RIC1: variants seen among roughly 807,000 people sequenced by gnomAD.
RIC1 encodes the protein RIC1 partner of RAB6A GEF complex, also known as guanine nucleotide exchange factor subunit RIC1.
RIC1 carries 88 observed loss-of-function variants against 169.0 expected under a neutral mutation model. The ratio of observed to expected loss-of-function variants is 0.52; its 90% CI spans 0.44 to 0.62. RIC1 has a LOEUF of 0.62. Ranked by LOEUF, RIC1 falls within the 20% of genes least tolerant of loss-of-function variation. The probability of loss-of-function intolerance (pLI) is 0.00; values close to 1 mark genes in which losing one functional copy is unlikely to be tolerated. For missense variants in RIC1, 1,877 were observed against 1,725.5 expected, an observed-to-expected ratio of 1.09 and a Z score of -1.56; for synonymous variants, 790 against 601.5, an observed-to-expected ratio of 1.31 and a Z score of -4.59.
chr9:5,726,386 T>C (rs1823987471), intron 6 of RIC1, among the ~76,000 whole-genome samples: 1 of 152,216 alleles, frequency 6.6e-6, no homozygotes, highest in Non-Finnish European at 1.5e-5. Context: ...CCCTGCTTTT[T>C]TTTGTTTTCC....
chr9:5,670,442 G>T (rs953329746), intron 2 of RIC1, among the ~76,000 whole-genome samples: 2 of 152,086 alleles, frequency 1.3e-5, no homozygotes, highest in African/African-American at 4.8e-5. Flanking sequence ...CTTGCCTGAT[G>T]CCTTTAAAAA....
At chr9:5,767,584 T>G (rs1319079832) in intron 21 of RIC1, among the ~76,000 whole-genome samples, 1 of 152,178 alleles carries the variant, frequency 6.6e-6, no homozygotes, top group African/African-American at 2.4e-5. Context: ...TGTCATGTTT[T>G]ACTGGGTTTT....
chr9:5,686,536 C>G (rs907556018), intron 2 of RIC1, among the ~76,000 whole-genome samples: 1 of 148,660 alleles, frequency 6.7e-6, no homozygotes, highest in Admixed American at 6.8e-5. Context: ...AACAAAAAAC[C>G]AAACACCGCA....
intron 2 of RIC1, among the ~76,000 whole-genome samples, chr9:5,673,984 A>T (rs1466775197): frequency 2.0e-5 from 3 of 152,168 alleles, no homozygotes; most frequent in African/African-American, 4.8e-5. Context: ...CCCTCTACTT[A>T]AGAAACTAAC....
At chr9:5,648,491 G>A (rs974903811) in intron 1 of RIC1, among the ~76,000 whole-genome samples, 8 of 152,178 alleles carry the variant, frequency 5.3e-5, no homozygotes, top group Admixed American at 2.0e-4. Context: ...ACTTGGGGGT[G>A]CAAATATCCC....
At chr9:5,652,704 T>TC (rs927164145) in intron 1 of RIC1, among the ~76,000 whole-genome samples, 9 of 152,186 alleles carry the variant, frequency 5.9e-5, no homozygotes, top group African/African-American at 2.2e-4. Context: ...CTTTTTTTTT[T>TC]CTTGCCTAAT....
At chr9:5,689,044 C>CTTTTTTTTT (rs34717277) in intron 2 of RIC1, among the ~76,000 whole-genome samples, 11 of 99,034 alleles carry the variant, frequency 1.1e-4, no homozygotes, top group South Asian at 3.4e-4. Flanking sequence ...AATACAATTT[C>CTTTTTTTTT]TTTTTTTTTT....
At chr9:5,706,342 C>G (rs1463666248) in intron 3 of RIC1, among the ~76,000 whole-genome samples, 2 of 152,132 alleles carry the variant, frequency 1.3e-5, no homozygotes, top group East Asian at 3.9e-4. Flanking sequence ...ATCCCAGGTA[C>G]TCGGGAGGCT....
chr9:5,759,236 A>T (rs1826192131), intron 17 of RIC1, among the ~76,000 whole-genome samples: 1 of 152,246 alleles, frequency 6.6e-6, no homozygotes, highest in Admixed American at 6.5e-5. Flanking sequence ...GGAACTAATC[A>T]GTCTTATCAC....
At chr9:5,764,942 A>C (rs1244175073) in intron 19 of RIC1, 1 of 152,870 alleles carries the variant, frequency 6.5e-6, no homozygotes, top group East Asian at 1.9e-4. Flanking sequence ...AGGATTCTGA[A>C]TGTGCAGCAG....
At chr9:5,641,555 C>T (rs1308121105) in intron 1 of RIC1, among the ~76,000 whole-genome samples, 3 of 152,078 alleles carry the variant, frequency 2.0e-5, no homozygotes, top group Non-Finnish European at 4.4e-5. Context: ...GCCAATACCT[C>T]TTATATTTGC....
chr9:5,676,879 T>G (rs1305575983), intron 2 of RIC1, among the ~76,000 whole-genome samples: 1 of 152,252 alleles, frequency 6.6e-6, no homozygotes, highest in East Asian at 1.9e-4. Context: ...TAATTCATTA[T>G]GAGTATTAGT....
At chr9:5,666,842 G>A (rs1332390426) in intron 2 of RIC1, among the ~76,000 whole-genome samples, 2 of 152,066 alleles carry the variant, frequency 1.3e-5, no homozygotes, top group African/African-American at 4.8e-5. Flanking sequence ...TAGATTGTAT[G>A]TTTTTAGAAC....
At chr9:5,692,298 A>G (rs1821630922) in intron 3 of RIC1, among the ~76,000 whole-genome samples, 1 of 152,058 alleles carries the variant, frequency 6.6e-6, no homozygotes, top group South Asian at 2.1e-4. Flanking sequence ...AACTTTCCTC[A>G]TCTGTAGAGT....
intron 6 of RIC1, among the ~76,000 whole-genome samples, chr9:5,723,399 G>C (rs773825458): frequency 6.6e-6 from 1 of 152,116 alleles, no homozygotes; most frequent in Non-Finnish European, 1.5e-5. Context: ...CTTTTTGATG[G>C]GGTGGTTTGA....
chr9:5,653,755 G>T (rs35966912), intron 1 of RIC1, among the ~76,000 whole-genome samples: 3,880 of 151,706 alleles, frequency 0.026, 56 homozygotes, highest in Non-Finnish European at 0.035. Flanking sequence ...ACACCACTAC[G>T]CCCGGCTAAT....
chr9:5,740,602 T>C (rs1414841520), intron 8 of RIC1, among the ~76,000 whole-genome samples: 1 of 151,192 alleles, frequency 6.6e-6, no homozygotes, highest in Admixed American at 6.6e-5. Context: ...TGGAGTCTGA[T>C]GTTTGAGGGC....
chr9:5,761,068 A>C (rs13299406), intron 17 of RIC1, among the ~76,000 whole-genome samples: 1 of 150,248 alleles, frequency 6.7e-6, no homozygotes, highest in East Asian at 1.9e-4. Context: ...GTGCCTGAGA[A>C]ACATCTGTCT....
intron 1 of RIC1, among the ~76,000 whole-genome samples, chr9:5,645,843 A>G (rs748769905): frequency 6.6e-6 from 1 of 152,146 alleles, no homozygotes; most frequent in Non-Finnish European, 1.5e-5. Context: ...GATATTGTGA[A>G]TAATGCTGCT....
Sources: gnomAD v4.1 joint callset for allele counts (sites outside exome capture counted in the v4.1 genomes callset) on GRCh38, gnomAD v4.1.1 for gene constraint, MANE v1.5 for transcripts, NCBI Gene and HGNC (gene_info 2026-07-23, HGNC 2026-07-21) for gene names.